Variants in ATAD2B observed in about 807,000 individuals in gnomAD.
The protein encoded by ATAD2B is ATPase family AAA domain containing 2B.
ATAD2B carries 40 observed loss-of-function variants against 167.6 expected under a neutral mutation model. The observed-to-expected ratio is 0.24, with a 90% CI of 0.19 to 0.31. ATAD2B has a LOEUF of 0.31. Ranked by LOEUF, ATAD2B falls within the 10% of genes least tolerant of loss-of-function variation. The pLI, the probability that ATAD2B is intolerant of heterozygous loss-of-function variation, is 1.00. For synonymous variants in ATAD2B, 579 were observed against 596.5 expected, an observed-to-expected ratio of 0.97 and a Z score of 0.43; for missense variants, 1,242 against 1,757.2, an observed-to-expected ratio of 0.71 and a Z score of 5.24.
chr2:23,690,667 G>A, the ATAD2B span: 40 of 152,344 alleles, frequency 2.6e-4, no homozygotes, highest in African/African-American at 8.7e-4. Flanking sequence ...CCAAGCCGAC[G>A]GCCTGCGGGG....
the ATAD2B span, among the ~76,000 whole-genome samples, chr2:23,711,545 T>A: frequency 6.6e-6 from 1 of 151,760 alleles, no homozygotes. Context: ...AATTTTTGTA[T>A]TTTTAGTAGA....
chr2:23,880,553 A>C, intron 7 of ATAD2B, 86 bp downstream of exon 7: 1 of 747,426 alleles, frequency 1.3e-6, no homozygotes, highest in Non-Finnish European at 2.2e-6. Context: ...ATGGAGCGAG[A>C]CTCTGTCTCA....
At chr2:23,693,162 TC>T in the ATAD2B span, 1,334,697 of 1,334,826 alleles carry the variant, frequency 1, 667,284 homozygotes, top group Middle Eastern at 1. Context: ...GCAGTCAGGG[TC>T]CCCCGGGATG....
chr2:23,777,732 C>T (rs1425711869), intron 22 of ATAD2B, among the ~76,000 whole-genome samples: 2 of 152,068 alleles, frequency 1.3e-5, no homozygotes, highest in Non-Finnish European at 2.9e-5. Context: ...GAGGGGTGAA[C>T]TGCAAGACCG....
rs573415181 is a variant in ATAD2B at position 23,921,892 on chromosome 2, C to T, written c.216+4663G>A. 5.3e-5 allele frequency among the ~76,000 whole-genome samples: 8 copies of T among 152,300 alleles called. No individual in the cohort carries two copies. In the South Asian group the frequency reaches 1.5e-3, roughly 28 times the overall value. On this transcript the variant is annotated intron_variant, in intron 1 of 27. Coordinates refer to ENST00000238789, the MANE Select transcript of ATAD2B (RefSeq NM_017552.4). ...TTCCCCTGCTCATCTGAGAGTTACA[C>T]ACATTATGAGATTTCCCTCTCAGAC...
chr2:23,795,772 G>A lies in ATAD2B; in HGVS notation c.2640+2366C>T, dbSNP rs112675263. On this transcript the variant is annotated intron_variant, in intron 19 of 27. Coordinates refer to ENST00000238789, the MANE Select transcript of ATAD2B (RefSeq NM_017552.4). Reference sequence around the variant, plus strand: ...CAGGTGTCTGTAATCCCAGCTACTCGGGAGGCTGAGACGGGAGAATCACTT... The same window carrying A: ...CAGGTGTCTGTAATCCCAGCTACTCAGGAGGCTGAGACGGGAGAATCACTT... Among the ~76,000 whole-genome samples the A allele has an allele frequency of 5.5e-3, 841 of 151,914 alleles. 11 individuals carry two copies. The highest frequency in any genetic ancestry group is 0.018 in the African/African-American group (730 of 41,424).
At chr2:23,855,759 C>T (rs902507558) in intron 13 of ATAD2B, among the ~76,000 whole-genome samples, 33 of 152,208 alleles carry the variant, frequency 2.2e-4, no homozygotes, top group Admixed American at 1.3e-4. Flanking sequence ...TGGGGTACTG[C>T]ATGCCTGTAG....
Position 23,915,367 on chromosome 2 carries a change from T to C in ATAD2B, c.216+11188A>G, listed in dbSNP as rs1702885025. Among the ~76,000 whole-genome samples, 3 of 151,530 alleles carry C rather than the reference T, an allele frequency of 2.0e-5. No individual in the cohort carries two copies. In the South Asian group the frequency reaches 6.2e-4, roughly 31 times the overall value. ...TGTGCCAGACAGGTCAGTACTATCC[T>C]AGGCTAATGGGGACATACGGTCACC... is the stretch of plus-strand genomic sequence containing the variant. On this transcript the variant is annotated intron_variant, in intron 1 of 27. Coordinates refer to ENST00000238789, the MANE Select transcript of ATAD2B (RefSeq NM_017552.4).
At chr2:23,725,936 A>C in the ATAD2B span, among the ~76,000 whole-genome samples, 2 of 152,156 alleles carry the variant, frequency 1.3e-5, no homozygotes, top group African/African-American at 2.4e-5. Context: ...AAAATGATAC[A>C]GCTGCTATGG....
the ATAD2B span, among the ~76,000 whole-genome samples, chr2:23,679,824 G>T: frequency 6.6e-6 from 1 of 152,318 alleles, no homozygotes; most frequent in East Asian, 1.9e-4. Context: ...AGAGGCCCAG[G>T]ACAAAATAAC....
chr2:23,859,632 T>C (rs572428654), intron 12 of ATAD2B, among the ~76,000 whole-genome samples: 52 of 152,236 alleles, frequency 3.4e-4, no homozygotes, highest in Non-Finnish European at 6.0e-4. Context: ...TTTGAGTTTG[T>C]CCCCTCCAAA....
chr2:23,872,919 C>T (rs949624233), intron 8 of ATAD2B: 18 of 769,292 alleles, frequency 2.3e-5, no homozygotes, highest in South Asian at 1.1e-4. Flanking sequence ...TATGGCCCGC[C>T]GGGCTCACAT....
chr2:23,735,213 G>T, the ATAD2B span, among the ~76,000 whole-genome samples: 1 of 152,120 alleles, frequency 6.6e-6, no homozygotes, highest in Non-Finnish European at 1.5e-5. Context: ...AATTAAACTG[G>T]TCTACTCAGT....
chr2:23,754,445 T>TA, intron 26 of ATAD2B, 138 bp from the exon 27 acceptor site: 1 of 1,152,378 alleles, frequency 8.7e-7, no homozygotes, highest in Non-Finnish European at 1.2e-6. Flanking sequence ...TTTGAGGGCT[T>TA]AAAATCATTC....
intron 19 of ATAD2B, among the ~76,000 whole-genome samples, chr2:23,789,154 G>A (rs896515548): frequency 6.6e-6 from 1 of 151,954 alleles, no homozygotes; most frequent in African/African-American, 2.4e-5. Context: ...TATACCTCTA[G>A]TCTAGTTTAT....
chr2:23,684,885 A>G, the ATAD2B span, among the ~76,000 whole-genome samples: 17 of 152,006 alleles, frequency 1.1e-4, no homozygotes, highest in Admixed American at 8.5e-4. This position sits in a 1 kb window ranked among gnomAD's most constrained non-coding sequence, Gnocchi z 4.4. Context: ...TGTAGGCTCC[A>G]TTTTAAGGGA....
the ATAD2B span, among the ~76,000 whole-genome samples, chr2:23,716,897 T>C: frequency 1.3e-5 from 2 of 152,204 alleles, no homozygotes; most frequent in Non-Finnish European, 2.9e-5. Context: ...TTTCCATCAG[T>C]GACTGTGCTA....
intron 7 of ATAD2B, among the ~76,000 whole-genome samples, chr2:23,880,083 G>A (rs1229084645): frequency 6.6e-6 from 1 of 150,906 alleles, no homozygotes; most frequent in Non-Finnish European, 1.5e-5. Context: ...GAGAGAGAGA[G>A]ATACTTTCCC....
chr2:23,884,615 A>G, intron 6 of ATAD2B, 150 bp downstream of exon 6: 1 of 436,604 alleles, frequency 2.3e-6, no homozygotes. Context: ...CAGATTGCCA[A>G]CTGAATTTAA....
Sources: allele counts gnomAD v4.1 joint callset (sites outside exome capture counted in the v4.1 genomes callset), GRCh38; gene constraint gnomAD v4.1.1; non-coding constraint Gnocchi (gnomAD v3.1); transcripts MANE v1.5; gene names NCBI Gene and HGNC (gene_info 2026-07-23, HGNC 2026-07-21).